Variants in NUMA1 observed in about 807,000 individuals in gnomAD.
NUMA1 encodes nuclear mitotic apparatus protein 1.
NUMA1 carries 62 observed loss-of-function variants against 237.1 expected under a neutral mutation model. That is an observed-to-expected ratio of 0.26 (90% CI 0.21 to 0.32). The LOEUF is 0.32. Among genes scored for constraint, NUMA1 ranks in the 10% least tolerant of loss-of-function variants. The pLI is 1.00. For missense variants in NUMA1, 2,533 were observed against 2,666.5 expected (o/e 0.95, Z 1.10); for synonymous variants, 1,028 against 1,066.1 (o/e 0.96, Z 0.70).
chr11:72,074,506 C>T (rs983927836), intron 1 of NUMA1, among the ~76,000 whole-genome samples: 4 of 152,154 alleles, frequency 2.6e-5, no homozygotes, highest in Admixed American at 6.5e-5. Flanking sequence ...AATCCCAGCA[C>T]TTTGAGAGAA....
At position 72,004,657 on chromosome 11, in the gene NUMA1, C is replaced by T. The variant is rs1955556217; in HGVS notation, c.5989G>A (p.Gly1997Ser). Residue 1997 changes from glycine (G) to serine (S), a missense_variant, in exon 24 of 27, where the codon GGC (glycine) becomes AGC (serine). Gly to Ser is a moderately conservative substitution (Grantham distance 56). This residue lies in a region of NUMA1 where 795 missense variants were observed against 750.8 expected (regional missense o/e 1.06). Coordinates refer to ENST00000393695, the MANE Select transcript of NUMA1 (RefSeq NM_006185.4). Reference protein sequence around the residue: ...RKRVSLEPHQGPGTPESKKAT... With the variant: ...RKRVSLEPHQSPGTPESKKAT... Reference sequence around the variant, plus strand: ...GCGCCTACCTCAGGAGTTCCAGGGCCCTGGTGGGGCTCTAGGGAGACCCGT... The same window carrying T: ...GCGCCTACCTCAGGAGTTCCAGGGCTCTGGTGGGGCTCTAGGGAGACCCGT... The T allele has an allele frequency of 1.2e-6, 2 of 1,612,844 alleles. No individual in the cohort carries two copies. Among genetic ancestry groups the T allele is most frequent in the Non-Finnish European group, 1.7e-6 (2 of 1,179,914 alleles).
rs1956458571 is a variant in NUMA1 at position 72,015,427 on chromosome 11, C to G, written c.2076G>C (p.Arg692Ser). 2 of 1,611,902 alleles carry G rather than the reference C, an allele frequency of 1.2e-6. No homozygotes were observed. Among genetic ancestry groups the G allele is most frequent in the Non-Finnish European group, 1.7e-6 (2 of 1,180,036 alleles). ...SEQQKATEKE[R>S]VAQEKDQLQE... ...GGAGCTGGTCCTTCTCCTGGGCCAC[C>G]CTTTCTTTCTCAGTTGCTTTTTGCT... Residue 692 changes from arginine to serine, a missense_variant, in exon 15 of 27, where the codon AGG becomes AGC. By Grantham distance (110) the Arg-to-Ser change is moderately radical. Transcript: ENST00000393695. The surrounding 1 kb of genome is among the most constrained non-coding windows in gnomAD (Gnocchi z 4.0).
chr11:72,060,626 G>A (rs1942888050), intron 2 of NUMA1, among the ~76,000 whole-genome samples: 2 of 152,112 alleles, frequency 1.3e-5, no homozygotes, highest in African/African-American at 2.4e-5. Context: ...CTGGAAGACA[G>A]AGTGAGACTC....
intron 22 of NUMA1, chr11:72,005,805 T>G: frequency 1.8e-6 from 1 of 563,734 alleles, no homozygotes; most frequent in Non-Finnish European, 3.1e-6. Context: ...GTCACAATTG[T>G]GCTGGGAATC....
chr11:72,078,342 A>G lies in NUMA1; in HGVS notation c.-103+2116T>C, dbSNP rs1300275711. On this transcript the variant is annotated intron_variant, in intron 1 of 26. Transcript: ENST00000393695. Reference sequence around the variant, plus strand: ...AATGACCACACCATATATTAGGTTAATGCAAAAGTAACTGTGGTTTTTGCC... The same window carrying G: ...AATGACCACACCATATATTAGGTTAGTGCAAAAGTAACTGTGGTTTTTGCC... Among the ~76,000 whole-genome samples the G allele has an allele frequency of 2.0e-5, 3 of 152,246 alleles. No homozygotes were observed. The South Asian group carries it at 6.2e-4, about 32-fold the overall frequency.
chr11:72,009,417 G>C, intron 17 of NUMA1, 30 bp from the exon 18 acceptor site: 1 of 1,576,938 alleles, frequency 6.3e-7, no homozygotes, highest in Admixed American at 1.8e-5. Context: ...AGGAAAGCTG[G>C]TCTGGCCGCT....
intron 2 of NUMA1, among the ~76,000 whole-genome samples, chr11:72,061,654 C>T (rs1296296259): frequency 6.6e-6 from 1 of 151,900 alleles, no homozygotes; most frequent in Non-Finnish European, 1.5e-5. Flanking sequence ...CCACACCTGG[C>T]TAATTTTTGT....
intron 1 of NUMA1, among the ~76,000 whole-genome samples, chr11:72,077,582 A>G (rs1943768369): frequency 6.6e-6 from 1 of 152,152 alleles, no homozygotes; most frequent in Admixed American, 6.5e-5. Context: ...TGAGAGGCCG[A>G]GGCGGGAGGA....
chr11:72,011,884 A>G (rs1010650836), intron 16 of NUMA1, among the ~76,000 whole-genome samples: 1 of 151,988 alleles, frequency 6.6e-6, no homozygotes, highest in Non-Finnish European at 1.5e-5. Flanking sequence ...TCGGGGTTAG[A>G]GCCCCAGAAA....
intron 2 of NUMA1, among the ~76,000 whole-genome samples, chr11:72,051,650 T>C (rs1440480717): frequency 6.6e-6 from 1 of 152,002 alleles, no homozygotes; most frequent in East Asian, 1.9e-4. Flanking sequence ...TTTGTACTTT[T>C]TGTAGAGATG....
intron 2 of NUMA1, among the ~76,000 whole-genome samples, chr11:72,040,357 A>C (rs552880250): frequency 6.6e-6 from 1 of 152,190 alleles, no homozygotes; most frequent in South Asian, 2.1e-4. Flanking sequence ...TGGAGGGTCC[A>C]GATCAGGATG....
At position 72,021,276 on chromosome 11, in the gene NUMA1, T is replaced by C. The variant is rs779652010; in HGVS notation, c.388A>G (p.Ile130Val). Residue 130 changes from isoleucine to valine, a missense_variant, in exon 8 of 27, where the codon ATT (isoleucine) becomes GTT (valine). By Grantham distance (29) the Ile-to-Val change is conservative. This residue lies in a region of NUMA1 where 1,414 missense variants were observed against 1,508.1 expected (regional missense o/e 0.94). Transcript: ENST00000393695. Reference protein sequence around the residue: ...EYKIQAELAVILKFVLDHEDG... With the variant: ...EYKIQAELAVVLKFVLDHEDG... ...TCATGGTCCAGCACAAATTTAAGAA[T>C]GACAGCCAACTCAGCCTGGGCCACA... The C allele has an allele frequency of 3.7e-6, 6 of 1,614,140 alleles. No individual in the cohort carries two copies. The South Asian group carries it at 5.5e-5, about 15-fold the overall frequency.
At chr11:72,040,499 C>T (rs1941550604) in intron 2 of NUMA1, 1 of 107,052 alleles carries the variant, frequency 9.3e-6, no homozygotes, top group African/African-American at 3.4e-5. Flanking sequence ...CACACACACA[C>T]ACACACACAC....
At chr11:72,038,104 C>T (rs1941255233) in intron 2 of NUMA1, among the ~76,000 whole-genome samples, 1 of 152,192 alleles carries the variant, frequency 6.6e-6, no homozygotes, top group Non-Finnish European at 1.5e-5. Context: ...GATCACCGCT[C>T]CCCCATCCTC....
At chr11:72,040,090 G>A (rs1368583129) in intron 2 of NUMA1, among the ~76,000 whole-genome samples, 1 of 152,184 alleles carries the variant, frequency 6.6e-6, no homozygotes, top group South Asian at 2.1e-4. Context: ...CTCAATTCCT[G>A]GGGAGTCCTG....
At position 72,048,987 on chromosome 11, in the gene NUMA1, G is replaced by GT. The variant is rs1942159924; in HGVS notation, c.-32-13013dup. ...ATGGCTGATTAATGAGGCAGTGTTG[G>GT]TAAGTCTGAGGCTTCCTGGAGAGAA... On this transcript the variant is annotated intron_variant, in intron 2 of 26. Transcript: ENST00000393695. Among the ~76,000 whole-genome samples, 3 of 152,236 alleles carry GT rather than the reference G, an allele frequency of 2.0e-5. No individual in the cohort carries two copies. In the South Asian group the frequency reaches 6.2e-4, roughly 32 times the overall value.
chr11:72,073,802 T>C (rs1943575900), intron 1 of NUMA1, among the ~76,000 whole-genome samples: 1 of 152,184 alleles, frequency 6.6e-6, no homozygotes, highest in East Asian at 1.9e-4. Context: ...ACTTATAAAC[T>C]GTGTGGCTTT....
At chr11:72,012,829 G>C (rs1956243536) in intron 15 of NUMA1, 66 bp downstream of exon 15, 6 of 1,565,854 alleles carry the variant, frequency 3.8e-6, no homozygotes, top group Admixed American at 3.5e-5. Context: ...CCTGGACACA[G>C]AGGATCGATG....
chr11:72,048,875 T>TG (rs1175263961), intron 2 of NUMA1, among the ~76,000 whole-genome samples: 1 of 152,098 alleles, frequency 6.6e-6, no homozygotes, highest in African/African-American at 2.4e-5. Context: ...TGGAAGGAAA[T>TG]GCTGGTGCTA....
Sources: allele counts gnomAD v4.1 joint callset (sites outside exome capture counted in the v4.1 genomes callset), GRCh38; gene constraint gnomAD v4.1.1; regional missense constraint gnomAD v4.1.1; non-coding constraint Gnocchi (gnomAD v3.1); transcripts MANE v1.5; gene names NCBI Gene and HGNC (gene_info 2026-07-23, HGNC 2026-07-21).